Variants in CR1 observed in about 807,000 individuals in gnomAD.
The protein encoded by CR1 is complement receptor type 1.
In CR1, 116 loss-of-function variants were observed where a neutral mutation model predicts 187.3. That is an observed-to-expected ratio of 0.62 (90% confidence interval 0.53 to 0.72). The LOEUF (loss-of-function observed/expected upper bound fraction) is 0.72. CR1 is among the 30% of genes least tolerant of loss of function. CR1 has a pLI of 0.00. For synonymous variants in CR1, 576 were observed against 747.1 expected, an observed-to-expected ratio of 0.77 and a Z score of 3.73; for missense variants, 1,731 against 2,110.7, an observed-to-expected ratio of 0.82 and a Z score of 3.52.
At chr1:207,511,447 C>T in intron 3 of CR1, 122 bp from the exon 4 acceptor site, 2 of 884,182 alleles carry the variant, frequency 2.3e-6, no homozygotes, top group Middle Eastern at 4.6e-4. Flanking sequence ...GATAGATAGT[C>T]CTTTGATGAG....
In CR1 at chr1:207,621,984, G is replaced by T; in HGVS notation, c.7264G>T (p.Ala2422Ser). Residue 2422 changes from alanine (A) to serine (S), a missense_variant, in exon 44 of 47, where the codon GCT becomes TCT. By Grantham distance (99) the Ala-to-Ser change is moderately conservative (BLOSUM62 1). This residue lies in a region of CR1 where 1,312 missense variants were observed against 1,379.6 expected (regional missense o/e 0.95). Coordinates refer to ENST00000367049, the MANE Select transcript of CR1 (RefSeq NM_000651.6). ...LAKCTSRTHDALIVGTLSGTI... is the reference protein window; with the variant it reads ...LAKCTSRTHDSLIVGTLSGTI... ...TGTCTTCCTTTTAGGTACACATGAT[G>T]CTCTCATAGTTGGTAAGTTTTATGA... 6.3e-7 allele frequency: 1 copy of T among 1,597,604 alleles called. No homozygotes were observed. The highest frequency in any genetic ancestry group is 8.5e-7 in the Non-Finnish European group (1 of 1,170,602).
At chr1:207,598,569 G>A (rs1031177117) in intron 35 of CR1, among the ~76,000 whole-genome samples, 3 of 152,008 alleles carry the variant, frequency 2.0e-5, no homozygotes, top group South Asian at 2.1e-4. Flanking sequence ...ACAGGCATGC[G>A]CCACCACGCT....
At chr1:207,511,914 G>A (rs1001897865) in intron 4 of CR1, among the ~76,000 whole-genome samples, 4 of 152,076 alleles carry the variant, frequency 2.6e-5, no homozygotes, top group Non-Finnish European at 5.9e-5. Context: ...CAATAAACGT[G>A]AAATTATGTT....
intron 4 of CR1, among the ~76,000 whole-genome samples, chr1:207,521,853 G>A (rs567940909): frequency 8.5e-5 from 12 of 140,430 alleles, no homozygotes; most frequent in East Asian, 8.1e-4. Flanking sequence ...TTTTTTTGTC[G>A]AGACAGGGTT....
intron 24 of CR1, among the ~76,000 whole-genome samples, chr1:207,566,950 C>G (rs536111434): frequency 1.3e-5 from 2 of 150,420 alleles, no homozygotes; most frequent in Non-Finnish European, 2.9e-5. Flanking sequence ...GAGATTCTTG[C>G]TGTCTAAGAA....
chr1:207,513,391 A>G (rs1659681869), intron 4 of CR1, among the ~76,000 whole-genome samples: 1 of 152,198 alleles, frequency 6.6e-6, no homozygotes, highest in Non-Finnish European at 1.5e-5. Flanking sequence ...CCTACAGAGA[A>G]TGAACCGTTG....
intron 42 of CR1, among the ~76,000 whole-genome samples, chr1:207,619,314 T>C (rs1328631202): frequency 2.2e-5 from 3 of 133,918 alleles, no homozygotes; most frequent in East Asian, 2.2e-4. Context: ...ACCCAGGAGG[T>C]AGAGGTTGCT....
intron 45 of CR1, among the ~76,000 whole-genome samples, chr1:207,630,137 A>G (rs1222379560): frequency 6.6e-6 from 1 of 152,232 alleles, no homozygotes; most frequent in Non-Finnish European, 1.5e-5. Flanking sequence ...GAGAAAAAGG[A>G]AGCCTCGTGT....
At chr1:207,595,486 T>A (rs1661403882) in intron 35 of CR1, among the ~76,000 whole-genome samples, 1 of 151,738 alleles carries the variant, frequency 6.6e-6, no homozygotes, top group African/African-American at 2.4e-5. Context: ...TCTCCAGAAA[T>A]AACAAAAAAG....
At chr1:207,610,762 G>A (rs1279679140) in intron 37 of CR1, among the ~76,000 whole-genome samples, 2 of 151,910 alleles carry the variant, frequency 1.3e-5, no homozygotes, top group African/African-American at 4.8e-5. Flanking sequence ...TTTCTTTGAG[G>A]GGGGGTTGTT....
intron 5 of CR1, among the ~76,000 whole-genome samples, chr1:207,524,558 A>C (rs1415735372): frequency 1.3e-5 from 2 of 151,782 alleles, no homozygotes; most frequent in Admixed American, 6.6e-5. Flanking sequence ...TAAGTTTTTT[A>C]TATATTTTTT....
chr1:207,500,787 C>G (rs191890480), intron 1 of CR1, among the ~76,000 whole-genome samples: 1 of 152,208 alleles, frequency 6.6e-6, no homozygotes, highest in African/African-American at 2.4e-5. Flanking sequence ...GAAATGAAAT[C>G]ATATGTCCAC....
intron 41 of CR1, among the ~76,000 whole-genome samples, chr1:207,617,832 T>A (rs532033409): frequency 8.6e-5 from 13 of 151,596 alleles, no homozygotes; most frequent in Admixed American, 7.9e-4. Context: ...CCTGTGGTAC[T>A]CCCCCATCTG....
chr1:207,607,577 T>C (rs1661789092), intron 36 of CR1, among the ~76,000 whole-genome samples: 1 of 152,184 alleles, frequency 6.6e-6, no homozygotes. Flanking sequence ...ATATTTCCAG[T>C]ATAGAGAGTG....
chr1:207,638,447 A>G (rs571490792), intron 46 of CR1, among the ~76,000 whole-genome samples: 78 of 138,038 alleles, frequency 5.7e-4, no homozygotes, highest in South Asian at 2.3e-4. Flanking sequence ...AGTTTAGGCC[A>G]ATTTTTGGCC....
intron 45 of CR1, among the ~76,000 whole-genome samples, chr1:207,624,670 A>C (rs1662426549): frequency 6.6e-6 from 1 of 152,200 alleles, no homozygotes; most frequent in African/African-American, 2.4e-5. Context: ...AATGTTCTCT[A>C]TATTTTACGG....
At chr1:207,602,838 T>C (rs941460770) in intron 35 of CR1, among the ~76,000 whole-genome samples, 1 of 152,036 alleles carries the variant, frequency 6.6e-6, no homozygotes, top group Non-Finnish European at 1.5e-5. Context: ...ACTTATAAAT[T>C]AATTACTTTC....
intron 28 of CR1, among the ~76,000 whole-genome samples, chr1:207,577,265 C>CAA (rs58120393): frequency 0.029 from 4,309 of 147,364 alleles, 67 homozygotes; most frequent in Middle Eastern, 0.049. Context: ...AACAAACAAA[C>CAA]AAAAAAAAAA....
chr1:207,594,025 C>A (rs1661355115), intron 35 of CR1, among the ~76,000 whole-genome samples: 1 of 152,166 alleles, frequency 6.6e-6, no homozygotes. Flanking sequence ...TTCGTTCAAC[C>A]ATTGTGGATG....
Sources: allele counts gnomAD v4.1 joint callset (sites outside exome capture counted in the v4.1 genomes callset), GRCh38; gene constraint gnomAD v4.1.1; regional missense constraint gnomAD v4.1.1; transcripts MANE v1.5; gene names NCBI Gene and HGNC (gene_info 2026-07-23, HGNC 2026-07-21).